PGM2L1: variants seen among roughly 807,000 people sequenced by gnomAD.
The protein encoded by PGM2L1 is glucose 1,6-bisphosphate synthase.
A neutral mutation model predicts 73.4 loss-of-function variants in PGM2L1; 35 were observed. That is an observed-to-expected ratio of 0.48 (90% CI 0.36 to 0.63). The LOEUF is 0.63. PGM2L1 is among the 30% of genes least tolerant of loss of function. PGM2L1 has a pLI of 0.00. For synonymous variants in PGM2L1, 225 were observed against 253.8 expected (o/e 0.89, Z 1.08); for missense variants, 570 against 742.0 (o/e 0.77, Z 2.69).
intron 1 of PGM2L1, among the ~76,000 whole-genome samples, chr11:74,393,191 C>G (rs967727429): frequency 6.6e-6 from 1 of 152,092 alleles, no homozygotes; most frequent in Admixed American, 6.5e-5. Context: ...GTAATAAAGC[C>G]ATATGTGTAT....
Position 74,345,571 on chromosome 11 carries a change from AT to A in PGM2L1, c.1115del (p.Asn372IlefsTer8), listed in dbSNP as rs2134888290. 25 of 1,613,664 alleles carry A rather than the reference AT, an allele frequency of 1.5e-5. No individual in the cohort carries two copies. The highest frequency in any genetic ancestry group is 1.9e-5 in the Non-Finnish European group (23 of 1,179,740). ...GWWMFDCWKK[N>X]KSRNADVKNV... ...TCTTCACATCAGCATTTCTTGATTT[AT>A]TTTTCTTCCAGCAATCAAACATCCA... is the stretch of plus-strand genomic sequence containing the variant. On this transcript the variant is annotated frameshift_variant, in exon 9 of 14. Coordinates refer to ENST00000298198, the MANE Select transcript of PGM2L1 (RefSeq NM_173582.6). LOFTEE classifies it high-confidence loss of function.
At chr11:74,341,066 T>C (rs192839733) in intron 12 of PGM2L1, among the ~76,000 whole-genome samples, 2 of 152,352 alleles carry the variant, frequency 1.3e-5, no homozygotes, top group African/African-American at 4.8e-5. Context: ...ACAGTTATTT[T>C]CAACATTATC....
At chr11:74,383,822 TAA>T (rs1491386237) in intron 1 of PGM2L1, among the ~76,000 whole-genome samples, 3 of 94,346 alleles carry the variant, frequency 3.2e-5, no homozygotes, top group African/African-American at 4.8e-5. Context: ...GATATATAAA[TAA>T]ATATATATAT....
chr11:74,374,182 C>T (rs939049521), intron 2 of PGM2L1, among the ~76,000 whole-genome samples: 1 of 151,908 alleles, frequency 6.6e-6, no homozygotes, highest in Non-Finnish European at 1.5e-5. Flanking sequence ...CTCCCAGGTT[C>T]AAGCGATTCT....
At chr11:74,363,168 T>G (rs1256230727) in intron 5 of PGM2L1, among the ~76,000 whole-genome samples, 1 of 152,134 alleles carries the variant, frequency 6.6e-6, no homozygotes, top group Non-Finnish European at 1.5e-5. Context: ...AAGGCAGAAA[T>G]AAAGATGTTC....
intron 5 of PGM2L1, among the ~76,000 whole-genome samples, chr11:74,360,028 A>G (rs539149736): frequency 6.6e-6 from 1 of 151,998 alleles, no homozygotes; most frequent in Non-Finnish European, 1.5e-5. Flanking sequence ...ACTCATCATA[A>G]AGAAACTAGA....
intron 5 of PGM2L1, among the ~76,000 whole-genome samples, chr11:74,353,232 G>T (rs942454731): frequency 2.6e-5 from 4 of 151,894 alleles, no homozygotes; most frequent in African/African-American, 9.7e-5. Context: ...ACAGAAAGCA[G>T]ATTTACAATA....
rs114654185 is a variant in PGM2L1 at position 74,368,626 on chromosome 11, C to T, written c.472-51G>A. On this transcript the variant is annotated intron_variant, in intron 4 of 13. Transcript: ENST00000298198. ...CCATTTTGCTTCCTAGCTATTTACA[C>T]ATTTGACATGAGAATAATTTTGATT... 209 of 1,416,662 alleles carry T rather than the reference C, an allele frequency of 1.5e-4. 1 individual carries two copies. The African/African-American group carries it at 1.8e-3, about 12-fold the overall frequency. The allele number at this position is 1,416,662 out of a possible 1,614,324, so 87.8% of individuals were successfully genotyped here. A position where few individuals can be genotyped will look rare whatever the true frequency, so the allele number is the denominator to read the frequency against.
chr11:74,361,985 T>C (rs1323644555), intron 5 of PGM2L1, among the ~76,000 whole-genome samples: 5 of 152,130 alleles, frequency 3.3e-5, no homozygotes, highest in African/African-American at 1.2e-4. Context: ...CAGGATATTA[T>C]CCAGGAGAAC....
Position 74,342,335 on chromosome 11 carries a change from TAATA to T in PGM2L1, c.1632+122_1632+125del, listed in dbSNP as rs1161838299. The T allele has an allele frequency of 4.0e-6, 3 of 750,584 alleles. No homozygotes were observed. In the African/African-American group the frequency reaches 5.5e-5, roughly 14 times the overall value. The allele number at this position is 750,584 out of a possible 1,614,324, so 46.5% of individuals were successfully genotyped here. ...GGCTGTTCCAGAATTGTCACCTTTATAATAAACTGGTAAACATGAGGAAACTGGA... is the reference window on the plus strand; with the variant it reads ...GGCTGTTCCAGAATTGTCACCTTTATAACTGGTAAACATGAGGAAACTGGA... On this transcript the variant is annotated intron_variant, in intron 12 of 13. Coordinates refer to ENST00000298198, the MANE Select transcript of PGM2L1 (RefSeq NM_173582.6).
chr11:74,382,859 G>A (rs1313466168), intron 1 of PGM2L1, among the ~76,000 whole-genome samples: 5 of 152,164 alleles, frequency 3.3e-5, no homozygotes, highest in African/African-American at 1.2e-4. Flanking sequence ...AGGGAACACA[G>A]ATCCCACCTT....
intron 1 of PGM2L1, among the ~76,000 whole-genome samples, chr11:74,392,882 ATGTT>A (rs1863123943): frequency 1.3e-5 from 2 of 152,202 alleles, no homozygotes; most frequent in Non-Finnish European, 2.9e-5. Flanking sequence ...AACTTAGTTT[ATGTT>A]GTCACTAACA....
chr11:74,386,140 C>T (rs1025807106), intron 1 of PGM2L1, among the ~76,000 whole-genome samples: 10 of 151,810 alleles, frequency 6.6e-5, no homozygotes, highest in Non-Finnish European at 1.0e-4. Flanking sequence ...ATTTGTAATA[C>T]ATGATACATC....
chr11:74,382,659 T>C (rs1862963566), intron 1 of PGM2L1, among the ~76,000 whole-genome samples: 1 of 152,056 alleles, frequency 6.6e-6, no homozygotes, highest in Admixed American at 6.6e-5. Flanking sequence ...CCACTGTGCC[T>C]GGCTAACTTT....
chr11:74,385,665 C>A (rs1160180672), intron 1 of PGM2L1, among the ~76,000 whole-genome samples: 13 of 151,982 alleles, frequency 8.6e-5, no homozygotes, highest in African/African-American at 3.1e-4. Context: ...TTAACGTATA[C>A]TCAGACAAAA....
At position 74,343,015 on chromosome 11, in the gene PGM2L1, C is replaced by G. The variant is rs765609833; in HGVS notation, c.1313-1G>C. The G allele has an allele frequency of 1.9e-6, 3 of 1,591,870 alleles. No individual in the cohort carries two copies. The highest frequency in any genetic ancestry group is 2.6e-6 in the Non-Finnish European group (3 of 1,173,852). ...AAAACTGAAGTTCCACAGAGAAAAC[C>G]TGAGGATTGAAAACCATCACTAGAA... is the stretch of plus-strand genomic sequence containing the variant. On this transcript the variant is annotated splice_acceptor_variant, in intron 10 of 13. Coordinates refer to ENST00000298198, the MANE Select transcript of PGM2L1 (RefSeq NM_173582.6). LOFTEE classifies it high-confidence loss of function.
chr11:74,371,459 T>C (rs1862751758), intron 3 of PGM2L1, among the ~76,000 whole-genome samples: 1 of 152,208 alleles, frequency 6.6e-6, no homozygotes, highest in Non-Finnish European at 1.5e-5. Flanking sequence ...GCCAAAATAT[T>C]AAAGTTATAA....
At chr11:74,337,552 A>G (rs1022384735) in intron 13 of PGM2L1, among the ~76,000 whole-genome samples, 2 of 152,194 alleles carry the variant, frequency 1.3e-5, no homozygotes, top group East Asian at 1.9e-4. Flanking sequence ...AGCAATTACA[A>G]TATTATAGGA....
intron 5 of PGM2L1, among the ~76,000 whole-genome samples, chr11:74,367,972 A>C (rs1277808702): frequency 6.6e-6 from 1 of 152,170 alleles, no homozygotes; most frequent in Non-Finnish European, 1.5e-5. Context: ...ACCCACCCAG[A>C]AGCCCCAAAT....
Sources: gnomAD v4.1 joint callset for allele counts (sites outside exome capture counted in the v4.1 genomes callset) on GRCh38, gnomAD v4.1.1 for gene constraint, MANE v1.5 for transcripts, NCBI Gene and HGNC (gene_info 2026-07-23, HGNC 2026-07-21) for gene names.